The following TMEM30A variants were observed in gnomAD, a reference collection of about 807,000 sequenced individuals.
TMEM30A encodes cell division cycle 50 P4-ATPase accessory subunit A.
A neutral mutation model predicts 38.2 loss-of-function variants in TMEM30A; 24 were observed. The ratio of observed to expected loss-of-function variants is 0.63; its 90% CI spans 0.46 to 0.88. The LOEUF (loss-of-function observed/expected upper bound fraction) is 0.88. Ranked by LOEUF, TMEM30A falls within the 40% of genes least tolerant of loss-of-function variation. The pLI, the probability that TMEM30A is intolerant of heterozygous loss-of-function variation, is 0.00. For synonymous variants in TMEM30A, 145 were observed against 161.6 expected (o/e 0.90, Z 0.78); for missense variants, 370 against 458.6 (o/e 0.81, Z 1.77).
intron 1 of TMEM30A, among the ~76,000 whole-genome samples, chr6:75,278,854 T>C (rs1346314544): frequency 6.6e-6 from 1 of 152,148 alleles, no homozygotes; most frequent in East Asian, 1.9e-4. Flanking sequence ...CACTAGATCG[T>C]TGTTCATATT....
chr6:75,265,465 A>G (rs967172420), intron 2 of TMEM30A, 127 bp from the exon 3 acceptor site: 3 of 458,944 alleles, frequency 6.5e-6, no homozygotes, highest in South Asian at 2.8e-5. Context: ...GTAGTGGGGT[A>G]AATTCCACCA....
chr6:75,277,231 G>A (rs1772277438), intron 1 of TMEM30A, among the ~76,000 whole-genome samples: 1 of 150,506 alleles, frequency 6.6e-6, no homozygotes, highest in African/African-American at 2.5e-5. Context: ...TAAACAAGAG[G>A]TCAGATGGCT....
intron 5 of TMEM30A, 104 bp from the exon 6 acceptor site, chr6:75,259,090 A>C (rs1453921780): frequency 9.9e-7 from 1 of 1,014,574 alleles, no homozygotes; most frequent in Non-Finnish European, 1.4e-6. Flanking sequence ...GTTTATTCAA[A>C]AGAAGCTTTG....
rs1554196003 is a variant in TMEM30A at position 75,284,720 on chromosome 6, G to GCGCCGCTGC, written c.-91_-83dup. On this transcript the variant is annotated 5_prime_UTR_variant, in exon 1 of 7. Coordinates refer to ENST00000230461, the MANE Select transcript of TMEM30A (RefSeq NM_018247.4). ...GCTGACCCTGACAGGAACCGCTCGA[G>GCGCCGCTGC]CGCCGCTGCCGCCGCCGCCGCCGCA... 2 of 1,453,712 alleles carry GCGCCGCTGC rather than the reference G, an allele frequency of 1.4e-6. No individual in the cohort carries two copies. Among genetic ancestry groups the GCGCCGCTGC allele is most frequent in the East Asian group, 2.3e-5 (1 of 42,874 alleles). 90.1% of individuals were successfully genotyped at this position (1,453,712 alleles called of 1,614,324 possible).
intron 1 of TMEM30A, among the ~76,000 whole-genome samples, chr6:75,283,356 T>C (rs1267119173): frequency 1.3e-5 from 2 of 150,870 alleles, no homozygotes; most frequent in Non-Finnish European, 2.9e-5. Flanking sequence ...ACAGAAGGAA[T>C]CAAGAGAACT....
At chr6:75,276,757 T>C (rs1178601012) in intron 1 of TMEM30A, among the ~76,000 whole-genome samples, 1 of 152,234 alleles carries the variant, frequency 6.6e-6, no homozygotes, top group African/African-American at 2.4e-5. Flanking sequence ...CTCACTAAAC[T>C]GAGCGGAGAA....
At chr6:75,281,025 TGAA>T (rs1314886946) in intron 1 of TMEM30A, among the ~76,000 whole-genome samples, 1 of 151,774 alleles carries the variant, frequency 6.6e-6, no homozygotes, top group Non-Finnish European at 1.5e-5. Context: ...TAAAATAAGG[TGAA>T]GAAGAAAGTT....
At chr6:75,260,793 A>G in intron 4 of TMEM30A, 31 bp downstream of exon 4, 1 of 1,341,542 alleles carries the variant, frequency 7.5e-7, no homozygotes, top group Non-Finnish European at 1.0e-6. Context: ...TGTCCTAATT[A>G]TATATGTCTA....
chr6:75,275,905 T>C (rs1033680919), intron 1 of TMEM30A, among the ~76,000 whole-genome samples: 2 of 152,138 alleles, frequency 1.3e-5, no homozygotes, highest in African/African-American at 4.8e-5. Flanking sequence ...GCCCCCTAAA[T>C]AGCTTCAGGA....
chr6:75,259,034 A>C, intron 5 of TMEM30A, 48 bp from the exon 6 acceptor site: 1 of 1,492,702 alleles, frequency 6.7e-7, no homozygotes, highest in Non-Finnish European at 9.2e-7. Flanking sequence ...TTACATTGTG[A>C]AATTAAAGTG....
intron 1 of TMEM30A, among the ~76,000 whole-genome samples, chr6:75,268,489 A>C (rs1052840873): frequency 6.6e-6 from 1 of 152,206 alleles, no homozygotes; most frequent in African/African-American, 2.4e-5. Flanking sequence ...AAGTCCCAAT[A>C]GAAACTCTAG....
Position 75,267,710 on chromosome 6 carries a change from A to C in TMEM30A, c.276T>G (p.Asn92Lys). Residue 92 changes from asparagine (N) to lysine (K), a missense_variant, in exon 2 of 7, where the codon AAT (asparagine) becomes AAG (lysine). Physicochemically the swap from Asn to Lys is moderately conservative, Grantham distance 94 (BLOSUM62 0). Coordinates refer to ENST00000230461, the MANE Select transcript of TMEM30A (RefSeq NM_018247.4). ...YTGTEPSSPC[N>K]KCLSPDVTPC... ...GTGTCACATCCGGAGATAAACATTT[A>C]TTACAGGGACTGGAAGGCTCTGTTC... The C allele has an allele frequency of 1.9e-6, 3 of 1,611,966 alleles. No homozygotes were observed. The highest frequency in any genetic ancestry group is 1.7e-6 in the Non-Finnish European group (2 of 1,179,086).
chr6:75,281,979 T>C (rs1194338722), intron 1 of TMEM30A, among the ~76,000 whole-genome samples: 1 of 152,238 alleles, frequency 6.6e-6, no homozygotes, highest in Non-Finnish European at 1.5e-5. Context: ...GGATTCTGTC[T>C]GCACAACTGT....
rs143428971 is a variant in TMEM30A, at chr6:75,262,581, G to A, written c.454-1670C>T. ...TGCTTGAACCGGGGAGGCAGAAGTT[G>A]CAGTGAGCCGAGATCGCACCACTGC... On this transcript the variant is annotated intron_variant, in intron 3 of 6. Transcript: ENST00000230461. 1.7e-3 allele frequency among the ~76,000 whole-genome samples: 260 copies of A among 151,878 alleles called. 2 individuals are homozygous for A. Among genetic ancestry groups the A allele is most frequent in the African/African-American group, 6.1e-3 (251 of 41,438 alleles).
Position 75,260,884 on chromosome 6 carries a change from G to C in TMEM30A, c.481C>G (p.Arg161Gly). 6.2e-7 allele frequency: 1 copy of C among 1,601,826 alleles called. No individual in the cohort carries two copies. Among genetic ancestry groups the C allele is most frequent in the African/African-American group, 1.3e-5 (1 of 74,418 alleles). Residue 161 changes from arginine to glycine, a missense_variant, in exon 4 of 7, where the codon CGA (arginine) becomes GGA (glycine). Physicochemically the swap from Arg to Gly is moderately radical, Grantham distance 125 (BLOSUM62 -2). Coordinates refer to ENST00000230461, the MANE Select transcript of TMEM30A (RefSeq NM_018247.4). Reference sequence around the variant, plus strand: ...GCAATTGGTTTGTCTTCATTTCTTCGATAAGGTTCACATTCCTTACTGGGA... The same window carrying C: ...GCAATTGGTTTGTCTTCATTTCTTCCATAAGGTTCACATTCCTTACTGGGA... ...LNPSKECEPY[R>G]RNEDKPIAPC...
chr6:75,268,978 T>C (rs1339221409), intron 1 of TMEM30A, among the ~76,000 whole-genome samples: 12 of 152,180 alleles, frequency 7.9e-5, no homozygotes, highest in South Asian at 2.1e-4. Flanking sequence ...GGCTTTTTTT[T>C]CCACCATAAA....
At chr6:75,277,787 T>C (rs1772286791) in intron 1 of TMEM30A, among the ~76,000 whole-genome samples, 1 of 152,094 alleles carries the variant, frequency 6.6e-6, no homozygotes, top group Admixed American at 6.6e-5. Context: ...GCACCTATAG[T>C]CCTAGTTACT....
Position 75,264,200 on chromosome 6 carries a change from C to T in TMEM30A, c.453+1031G>A, listed in dbSNP as rs538741864. 2.0e-5 allele frequency among the ~76,000 whole-genome samples: 3 copies of T among 152,280 alleles called. No homozygotes were observed. In the South Asian group the frequency reaches 6.2e-4, roughly 32 times the overall value. ...CAGCAATAAAACCAATCAAGATAAC[C>T]TAGAGCAGTTATATTTTACATTTCG... is the stretch of plus-strand genomic sequence containing the variant. On this transcript the variant is annotated intron_variant, in intron 3 of 6. Coordinates refer to ENST00000230461, the MANE Select transcript of TMEM30A (RefSeq NM_018247.4).
At chr6:75,269,852 G>C (rs1010643747) in intron 1 of TMEM30A, among the ~76,000 whole-genome samples, 3 of 152,092 alleles carry the variant, frequency 2.0e-5, no homozygotes, top group African/African-American at 7.2e-5. Flanking sequence ...GCACCACCAT[G>C]CCCAGCTAAT....
Sources: gnomAD v4.1 joint callset for allele counts (sites outside exome capture counted in the v4.1 genomes callset) on GRCh38, gnomAD v4.1.1 for gene constraint, MANE v1.5 for transcripts, NCBI Gene and HGNC (gene_info 2026-07-23, HGNC 2026-07-21) for gene names.